GRM1: variants seen among roughly 807,000 people sequenced by gnomAD.
GRM1 encodes metabotropic glutamate receptor 1.
Under a neutral mutation model 90.9 loss-of-function variants are expected in GRM1, and 33 were observed. That is an observed-to-expected ratio of 0.36 (90% CI 0.28 to 0.49). The LOEUF is 0.49. Ranked by LOEUF, GRM1 falls within the 20% of genes least tolerant of loss-of-function variation. GRM1 has a pLI of 0.99. For synonymous variants in GRM1, 700 were observed against 613.2 expected, an observed-to-expected ratio of 1.14 and a Z score of -2.09; for missense variants, 1,190 against 1,534.3, an observed-to-expected ratio of 0.78 and a Z score of 3.75.
At chr6:146,342,119 G>T (rs879207656) in intron 3 of GRM1, among the ~76,000 whole-genome samples, 1 of 152,186 alleles carries the variant, frequency 6.6e-6, no homozygotes. Context: ...TATTGTGGCG[G>T]TGTTGGTCTG....
intron 4 of GRM1, 40 bp from the exon 5 acceptor site, chr6:146,357,486 G>T: frequency 1.3e-6 from 2 of 1,518,392 alleles, no homozygotes; most frequent in Non-Finnish European, 1.8e-6. Context: ...TCTACATTAT[G>T]TCTATATTCT....
Position 146,244,381 on chromosome 6 carries a change from G to A in GRM1, c.951-60230G>A, listed in dbSNP as rs1023526354. On this transcript the variant is annotated intron_variant, in intron 2 of 7. Transcript: ENST00000282753. ...TGTCCATGAAATCTTCACAATTTATGTTCTTCTGCCATGGCTTCAGCCAGT... is the reference window on the plus strand; with the variant it reads ...TGTCCATGAAATCTTCACAATTTATATTCTTCTGCCATGGCTTCAGCCAGT... 5.9e-5 allele frequency among the ~76,000 whole-genome samples: 9 copies of A among 152,156 alleles called. No individual in the cohort carries two copies. In the East Asian group the frequency reaches 1.2e-3, roughly 20 times the overall value.
chr6:146,351,573 T>C (rs1027812784), intron 3 of GRM1, among the ~76,000 whole-genome samples: 2 of 152,174 alleles, frequency 1.3e-5, no homozygotes, highest in African/African-American at 4.8e-5. Context: ...GTAGAAATGA[T>C]TGCAGGGTTT....
Position 146,029,278 on chromosome 6 carries a change from G to A in GRM1, c.-240G>A, listed in dbSNP as rs1214179618. Reference sequence around the variant, plus strand: ...TGATGCACTACCGGTGAAGAACGGGGACTCGAATTCCCTTACAAACGCCTC... The same window carrying A: ...TGATGCACTACCGGTGAAGAACGGGAACTCGAATTCCCTTACAAACGCCTC... On this transcript the variant is annotated 5_prime_UTR_variant, in exon 1 of 8. Transcript: ENST00000282753. The A allele has an allele frequency of 5.3e-6, 3 of 570,062 alleles. No homozygotes were observed. The East Asian group carries it at 9.1e-5, about 17-fold the overall frequency. 35.3% of individuals were successfully genotyped at this position (570,062 alleles called of 1,614,324 possible). A position where few individuals can be genotyped will look rare whatever the true frequency, so the allele number is the denominator to read the frequency against.
intron 1 of GRM1, among the ~76,000 whole-genome samples, chr6:146,050,567 AT>A (rs1207345413): frequency 1.3e-5 from 2 of 152,188 alleles, no homozygotes; most frequent in East Asian, 3.9e-4. Context: ...AACAAGGGAT[AT>A]TTTTAAGAGG....
chr6:146,154,256 C>T (rs1180433447), intron 1 of GRM1, among the ~76,000 whole-genome samples: 1 of 152,142 alleles, frequency 6.6e-6, no homozygotes, highest in Non-Finnish European at 1.5e-5. Flanking sequence ...TCTGACAGGC[C>T]GACAGTGACT....
intron 3 of GRM1, 43 bp from the exon 4 acceptor site, chr6:146,352,207 T>G (rs749435552): frequency 6.2e-7 from 1 of 1,605,648 alleles, no homozygotes; most frequent in South Asian, 1.1e-5. Flanking sequence ...AGCCTAGTCT[T>G]TATCATTGTG....
At chr6:146,278,460 A>G (rs1782450784) in intron 2 of GRM1, among the ~76,000 whole-genome samples, 1 of 152,108 alleles carries the variant, frequency 6.6e-6, no homozygotes, top group Non-Finnish European at 1.5e-5. Flanking sequence ...TAGTAGAGAG[A>G]GTAAGCTGCT....
chr6:146,396,292 T>C (rs749404904), intron 6 of GRM1, among the ~76,000 whole-genome samples: 9 of 152,202 alleles, frequency 5.9e-5, no homozygotes, highest in Admixed American at 1.3e-4. Context: ...CTGTCAAAAG[T>C]GTGTGCTTGC....
chr6:146,078,095 GA>G (rs995538085), intron 1 of GRM1, among the ~76,000 whole-genome samples: 7 of 151,900 alleles, frequency 4.6e-5, no homozygotes, highest in African/African-American at 1.7e-4. Flanking sequence ...AACACTATTG[GA>G]AAAAAAAGAT....
intron 7 of GRM1, among the ~76,000 whole-genome samples, chr6:146,428,322 GC>G (rs1489911885): frequency 1.3e-5 from 2 of 152,172 alleles, no homozygotes; most frequent in Non-Finnish European, 2.9e-5. Flanking sequence ...AAATAAAGCT[GC>G]CTACTGGACC....
chr6:146,029,151 G>T lies in GRM1; in HGVS notation c.-367G>T, dbSNP rs1294645880. The T allele has an allele frequency of 1.4e-5, 5 of 357,296 alleles. No homozygotes were observed. Among genetic ancestry groups the T allele is most frequent in the African/African-American group, 2.1e-5 (1 of 47,416 alleles). The allele number at this position is 357,296 out of a possible 1,614,324, so 22.1% of individuals were successfully genotyped here. ...TATAGACCCCAGAGTTTTAACACAG[G>T]TCCTCTGATGACAAGGTTGTGATTT... On this transcript the variant is annotated 5_prime_UTR_variant, in exon 1 of 8. Coordinates refer to ENST00000282753, the MANE Select transcript of GRM1 (RefSeq NM_001278064.2).
intron 2 of GRM1, among the ~76,000 whole-genome samples, chr6:146,197,183 A>T (rs1779151883): frequency 6.6e-6 from 1 of 152,238 alleles, no homozygotes; most frequent in African/African-American, 2.4e-5. Context: ...AACTGGGGAG[A>T]TAAGATCAAT....
chr6:146,386,848 G>C (rs754309845), intron 5 of GRM1, 42 bp from the exon 6 acceptor site: 1 of 1,533,116 alleles, frequency 6.5e-7, no homozygotes, highest in Admixed American at 1.7e-5. Context: ...AAGCTTTTCT[G>C]GGAAAACTAT....
intron 1 of GRM1, among the ~76,000 whole-genome samples, 193 bp from the exon 2 acceptor site, chr6:146,159,155 C>T (rs1777621324): frequency 6.6e-6 from 1 of 152,224 alleles, no homozygotes; most frequent in African/African-American, 2.4e-5. Flanking sequence ...GTTATTTCCA[C>T]AGAGTTGATT....
intron 5 of GRM1, among the ~76,000 whole-genome samples, chr6:146,369,083 T>C (rs1481226724): frequency 6.6e-6 from 1 of 151,996 alleles, no homozygotes; most frequent in Admixed American, 6.6e-5. Flanking sequence ...GTAGGTTATA[T>C]GTATTCAGGA....
At chr6:146,398,245 G>T (rs1777038178) in intron 6 of GRM1, among the ~76,000 whole-genome samples, 1 of 152,146 alleles carries the variant, frequency 6.6e-6, no homozygotes, top group South Asian at 2.1e-4. Flanking sequence ...GGAAACAGGA[G>T]AATGCAGATT....
chr6:146,326,348 C>T (rs1784399633), intron 3 of GRM1, among the ~76,000 whole-genome samples: 2 of 152,056 alleles, frequency 1.3e-5, no homozygotes, highest in Non-Finnish European at 1.5e-5. Context: ...AATAGAAAAC[C>T]AAATACCACA....
At chr6:146,376,259 T>C (rs529800939) in intron 5 of GRM1, among the ~76,000 whole-genome samples, 108 of 152,282 alleles carry the variant, frequency 7.1e-4, no homozygotes, top group Middle Eastern at 3.4e-3. Context: ...TTGTGGTATT[T>C]ATTACTTTTG....
Sources: allele counts gnomAD v4.1 joint callset (sites outside exome capture counted in the v4.1 genomes callset), GRCh38; gene constraint gnomAD v4.1.1; transcripts MANE v1.5; gene names NCBI Gene and HGNC (gene_info 2026-07-23, HGNC 2026-07-21).